The following SRD5A2 variants were observed in gnomAD, a reference collection of about 807,000 sequenced individuals.
SRD5A2 encodes 3-oxo-5-alpha-steroid 4-dehydrogenase 2.
A neutral mutation model predicts 27.4 loss-of-function variants in SRD5A2; 30 were observed. The ratio of observed to expected loss-of-function variants is 1.10; its 90% confidence interval spans 0.82 to 1.49. The LOEUF is 1.49. Ranked by LOEUF, SRD5A2 falls within the 40% of genes most tolerant of loss-of-function variation. The pLI is 0.00. For synonymous variants in SRD5A2, 141 were observed against 133.6 expected (o/e 1.06, Z -0.38); for missense variants, 348 against 323.4 (o/e 1.08, Z -0.58).
At chr2:31,544,989 A>T (rs11904357) in intron 1 of SRD5A2, among the ~76,000 whole-genome samples, 1 of 151,880 alleles carries the variant, frequency 6.6e-6, no homozygotes, top group African/African-American at 2.4e-5. Flanking sequence ...AAACCTACCA[A>T]GACTAAATCA....
At chr2:31,622,000 G>A in the SRD5A2 span, among the ~76,000 whole-genome samples, 2 of 151,522 alleles carry the variant, frequency 1.3e-5, no homozygotes, top group East Asian at 3.9e-4. Flanking sequence ...ACATGTACAG[G>A]ACATGCATGT....
At chr2:31,550,195 T>C (rs1196169418) in intron 1 of SRD5A2, among the ~76,000 whole-genome samples, 1 of 109,942 alleles carries the variant, frequency 9.1e-6, no homozygotes, top group Non-Finnish European at 1.8e-5. Context: ...TCATCTTTGT[T>C]TTTTGTAACC....
the SRD5A2 span, among the ~76,000 whole-genome samples, chr2:31,614,747 C>T: frequency 2.0e-5 from 3 of 152,166 alleles, no homozygotes; most frequent in Admixed American, 1.3e-4. Context: ...GGCGGAAGTT[C>T]CAAAACTTTA....
At chr2:31,539,563 T>G (rs1666091289) in intron 1 of SRD5A2, among the ~76,000 whole-genome samples, 1 of 152,110 alleles carries the variant, frequency 6.6e-6, no homozygotes, top group African/African-American at 2.4e-5. Context: ...GAATTCCTAC[T>G]GGGAAGTAAC....
At chr2:31,589,385 C>T in the SRD5A2 span, among the ~76,000 whole-genome samples, 2 of 152,170 alleles carry the variant, frequency 1.3e-5, no homozygotes, top group Non-Finnish European at 2.9e-5. Flanking sequence ...TGGCCAGGAG[C>T]GCAGAAGTTA....
chr2:31,569,664 A>C (rs1666811144), intron 1 of SRD5A2, among the ~76,000 whole-genome samples: 2 of 104,690 alleles, frequency 1.9e-5, no homozygotes, highest in South Asian at 2.9e-4. Flanking sequence ...GTCCACATGC[A>C]AAAAACAAAA....
intron 1 of SRD5A2, among the ~76,000 whole-genome samples, chr2:31,541,440 C>G (rs1396555602): frequency 6.6e-6 from 1 of 151,412 alleles, no homozygotes; most frequent in Non-Finnish European, 1.5e-5. Flanking sequence ...AAAGACCTAA[C>G]AGCAGATCTA....
chr2:31,600,547 T>C, the SRD5A2 span, among the ~76,000 whole-genome samples: 1 of 152,004 alleles, frequency 6.6e-6, no homozygotes, highest in Non-Finnish European at 1.5e-5. Context: ...TGTGAGATGG[T>C]ATCTCGTTTT....
At chr2:31,620,292 TC>T in the SRD5A2 span, among the ~76,000 whole-genome samples, 4 of 152,048 alleles carry the variant, frequency 2.6e-5, no homozygotes, top group Non-Finnish European at 4.4e-5. Context: ...AAGGATGCCC[TC>T]ACTCACCATT....
chr2:31,594,285 G>A, the SRD5A2 span, among the ~76,000 whole-genome samples: 44 of 152,044 alleles, frequency 2.9e-4, 1 homozygote, highest in Admixed American at 2.9e-3. Context: ...CACCAACCAA[G>A]TATCTGCTGT....
At chr2:31,642,515 C>T in the SRD5A2 span, among the ~76,000 whole-genome samples, 1 of 151,784 alleles carries the variant, frequency 6.6e-6, no homozygotes, top group East Asian at 1.9e-4. Flanking sequence ...ATCAGATAAG[C>T]TAAAATTAAA....
rs193086694 is a variant in SRD5A2, at chr2:31,571,484, C to T, written c.281+9136G>A. Among the ~76,000 whole-genome samples the T allele has an allele frequency of 2.0e-5, 3 of 152,128 alleles. No individual in the cohort carries two copies. In the East Asian group the frequency reaches 5.8e-4, roughly 29 times the overall value. ...GGCAAAGACCTCATGACAAAGACACCAAAAGCAATTGCAACGTAACCAAAA... is the reference window on the plus strand; with the variant it reads ...GGCAAAGACCTCATGACAAAGACACTAAAAGCAATTGCAACGTAACCAAAA... On this transcript the variant is annotated intron_variant, in intron 1 of 4. Coordinates refer to ENST00000622030, the MANE Select transcript of SRD5A2 (RefSeq NM_000348.4).
rs28686905 is a variant in SRD5A2 at position 31,560,068 on chromosome 2, C to G, written c.281+20552G>C. ...TGTACATACCAATCCCCCCCCCCCC[C>G]TTTTTTTAAAAAGTCATTGACCATT... On this transcript the variant is annotated intron_variant, in intron 1 of 4. Coordinates refer to ENST00000622030, the MANE Select transcript of SRD5A2 (RefSeq NM_000348.4). 8.1e-4 allele frequency among the ~76,000 whole-genome samples: 62 copies of G among 76,298 alleles called. No homozygotes were observed. In the South Asian group the frequency reaches 0.015, roughly 18 times the overall value. The allele number at this position is 76,298 out of a possible 152,430, so 50.1% of individuals were successfully genotyped here.
chr2:31,527,271 C>T (rs1665802459), intron 4 of SRD5A2, among the ~76,000 whole-genome samples: 2 of 152,238 alleles, frequency 1.3e-5, no homozygotes, highest in Admixed American at 6.5e-5. Context: ...TGCTGGCGGT[C>T]CTCAAGGCAT....
At position 31,560,065 on chromosome 2, in the gene SRD5A2, C is replaced by G. The variant is rs2300696; in HGVS notation, c.281+20555G>C. Reference sequence around the variant, plus strand: ...CTATGTACATACCAATCCCCCCCCCCCCCTTTTTTTAAAAAGTCATTGACC... The same window carrying G: ...CTATGTACATACCAATCCCCCCCCCGCCCTTTTTTTAAAAAGTCATTGACC... On this transcript the variant is annotated intron_variant, in intron 1 of 4. Transcript: ENST00000622030. 4.9e-3 allele frequency among the ~76,000 whole-genome samples: 731 copies of G among 148,124 alleles called. 5 individuals carry two copies. The highest frequency in any genetic ancestry group is 8.1e-3 in the Non-Finnish European group (543 of 66,734).
the SRD5A2 span, among the ~76,000 whole-genome samples, chr2:31,604,689 A>C: frequency 6.6e-6 from 1 of 151,940 alleles, no homozygotes; most frequent in African/African-American, 2.4e-5. Context: ...TTCCATGTTC[A>C]GGGATTAGAA....
the SRD5A2 span, among the ~76,000 whole-genome samples, chr2:31,627,561 G>A: frequency 6.6e-6 from 1 of 151,870 alleles, no homozygotes; most frequent in Non-Finnish European, 1.5e-5. Context: ...TGTGATGTTG[G>A]TTTGTTAAAT....
intron 1 of SRD5A2, among the ~76,000 whole-genome samples, chr2:31,577,889 T>C (rs1346922897): frequency 6.6e-6 from 1 of 152,160 alleles, no homozygotes; most frequent in Non-Finnish European, 1.5e-5. Context: ...AGAATTTAGA[T>C]GCAAAAAATG....
chr2:31,530,055 T>C (rs1416100425), intron 3 of SRD5A2, among the ~76,000 whole-genome samples: 1 of 152,192 alleles, frequency 6.6e-6, no homozygotes, highest in Non-Finnish European at 1.5e-5. Context: ...TTCTAGATTT[T>C]AAATGTTTCA....
Sources: gnomAD v4.1 joint callset for allele counts (sites outside exome capture counted in the v4.1 genomes callset) on GRCh38, gnomAD v4.1.1 for gene constraint, MANE v1.5 for transcripts, NCBI Gene and HGNC (gene_info 2026-07-23, HGNC 2026-07-21) for gene names.